Variants in ALPL observed in about 807,000 individuals in gnomAD.
ALPL encodes alkaline phosphatase, tissue-nonspecific isozyme.
ALPL carries 42 observed loss-of-function variants against 51.3 expected under a neutral mutation model. The ratio of observed to expected loss-of-function variants is 0.82; its 90% CI spans 0.64 to 1.06. The LOEUF (loss-of-function observed/expected upper bound fraction) is 1.06. ALPL is among the 50% of genes least tolerant of loss of function. ALPL has a pLI of 0.00. For synonymous variants in ALPL, 279 were observed against 296.4 expected, an observed-to-expected ratio of 0.94 and a Z score of 0.60; for missense variants, 589 against 709.4, an observed-to-expected ratio of 0.83 and a Z score of 1.93.
chr1:21,577,361 A>T (rs776533306), intron 11 of ALPL, 22 bp from the exon 12 acceptor site: 64 of 1,613,048 alleles, frequency 4.0e-5, no homozygotes, highest in Non-Finnish European at 5.4e-5. Flanking sequence ...GGCTCTCAGC[A>T]GGTGTTTCCC....
chr1:21,522,337 G>A (rs1174699368), intron 1 of ALPL, among the ~76,000 whole-genome samples: 2 of 152,184 alleles, frequency 1.3e-5, no homozygotes, highest in African/African-American at 4.8e-5. Context: ...GCCTCCCAAA[G>A]TGCTGGGATT....
intron 1 of ALPL, among the ~76,000 whole-genome samples, chr1:21,549,262 T>C (rs1415535336): frequency 6.6e-6 from 1 of 152,198 alleles, no homozygotes; most frequent in African/African-American, 2.4e-5. Context: ...GGGTGTTAAC[T>C]GCCACCCCTG....
At chr1:21,568,862 A>G (rs576490801) in intron 7 of ALPL, among the ~76,000 whole-genome samples, 26 of 152,044 alleles carry the variant, frequency 1.7e-4, no homozygotes, top group Non-Finnish European at 3.1e-4. Context: ...GGCTGGAGGG[A>G]CCTCTGGAAG....
chr1:21,515,591 G>T (rs548439886), intron 1 of ALPL, among the ~76,000 whole-genome samples: 1 of 152,238 alleles, frequency 6.6e-6, no homozygotes, highest in African/African-American at 2.4e-5. Context: ...GTTTTGCCAT[G>T]TCGGCCAGGT....
In ALPL at chr1:21,576,559, C is replaced by T. The variant is rs750530891; in HGVS notation, c.1227C>T (p.Pro409=). 1 of 1,613,806 alleles carries T rather than the reference C, an allele frequency of 6.2e-7. No individual in the cohort carries two copies. The highest frequency in any genetic ancestry group is 8.5e-7 in the Non-Finnish European group (1 of 1,179,940). The part of the protein sequence containing the change: ...APMLSDTDKK[P]FTAILYGNGP... ...TGCTGAGTGACACAGACAAGAAGCC[C>T]TTCACTGCCATCCTGTATGGCAATG... The change falls in exon 11 of 12, where the codon CCC becomes CCT. Residue 409 remains proline (P), a synonymous_variant. Transcript: ENST00000374840.
rs759017288 is a variant in ALPL, at chr1:21,576,614, C to T, written c.1282C>T (p.Arg428Ter). The T allele has an allele frequency of 4.3e-6, 7 of 1,613,858 alleles. No individual in the cohort carries two copies. Among genetic ancestry groups the T allele is most frequent in the Non-Finnish European group, 5.1e-6 (6 of 1,179,884 alleles). ...GPGYKVVGGE[R>*]ENVSMVDYAH... Reference sequence around the variant, plus strand: ...TGGCTACAAGGTGGTGGGCGGTGAACGAGAGAATGTCTCCATGGTGGACTA... The same window carrying T: ...TGGCTACAAGGTGGTGGGCGGTGAATGAGAGAATGTCTCCATGGTGGACTA... The change falls in exon 11 of 12, where the codon CGA becomes TGA. Residue 428 changes from arginine to a stop codon, truncating the protein, a stop_gained. Transcript: ENST00000374840. LOFTEE classifies it high-confidence loss of function.
At chr1:21,553,706 A>G (rs996245601) in intron 1 of ALPL, among the ~76,000 whole-genome samples, 6 of 152,240 alleles carry the variant, frequency 3.9e-5, no homozygotes, top group African/African-American at 1.4e-4. Flanking sequence ...AGGGGGCTTC[A>G]GATGAATTGA....
At chr1:21,510,496 T>C (rs1643664556) in intron 1 of ALPL, among the ~76,000 whole-genome samples, 1 of 152,160 alleles carries the variant, frequency 6.6e-6, no homozygotes, top group Non-Finnish European at 1.5e-5. Flanking sequence ...AGCCTCAGTG[T>C]AGATACTGCA....
intron 1 of ALPL, among the ~76,000 whole-genome samples, chr1:21,513,401 G>A (rs1424184092): frequency 6.6e-6 from 1 of 152,164 alleles, no homozygotes; most frequent in East Asian, 1.9e-4. Context: ...TTGTTTAAGG[G>A]AGGATGCAGA....
intron 6 of ALPL, among the ~76,000 whole-genome samples, chr1:21,567,236 C>T (rs1425211262): frequency 2.0e-5 from 3 of 152,210 alleles, no homozygotes; most frequent in Non-Finnish European, 4.4e-5. Context: ...GGCAGTGGCC[C>T]GGGCTGGCAC....
At chr1:21,551,730 T>TG (rs1558541754) in intron 1 of ALPL, among the ~76,000 whole-genome samples, 3 of 128,292 alleles carry the variant, frequency 2.3e-5, no homozygotes, top group African/African-American at 8.2e-5. Flanking sequence ...TTTTTTTTTT[T>TG]TTTTTTTTTT....
At chr1:21,527,601 G>A (rs556431694) in intron 1 of ALPL, among the ~76,000 whole-genome samples, 1 of 148,678 alleles carries the variant, frequency 6.7e-6, no homozygotes, top group African/African-American at 2.5e-5. Context: ...TCAGGCTCAA[G>A]TGTGGTGGTG....
intron 1 of ALPL, among the ~76,000 whole-genome samples, chr1:21,535,433 G>A (rs1353397997): frequency 2.0e-5 from 3 of 152,094 alleles, no homozygotes; most frequent in Admixed American, 6.6e-5. Context: ...GCAACATAGC[G>A]AGACCTTGTC....
At chr1:21,574,640 GC>G (rs1644700991) in intron 9 of ALPL, 1 of 152,286 alleles carries the variant, frequency 6.6e-6, no homozygotes, top group African/African-American at 2.4e-5. Flanking sequence ...GCCCAGCTTG[GC>G]TGCTTTCTTG....
rs759505834 is a variant in ALPL, at chr1:21,576,504, C to T, written c.1190-18C>T. The T allele has an allele frequency of 9.3e-6, 15 of 1,612,994 alleles. No individual in the cohort carries two copies. Among genetic ancestry groups the T allele is most frequent in the Non-Finnish European group, 1.2e-5 (14 of 1,179,356 alleles). On this transcript the variant is annotated intron_variant, in intron 10 of 11. Transcript: ENST00000374840. ...CTGGGGCCCCAGCATGACCCCTGAA[C>T]ACCCCCTCCCTGTGCAGGTCTGGCC... is the stretch of plus-strand genomic sequence containing the variant.
intron 1 of ALPL, among the ~76,000 whole-genome samples, chr1:21,550,091 A>G (rs1248986304): frequency 6.6e-6 from 1 of 152,238 alleles, no homozygotes; most frequent in African/African-American, 2.4e-5. Context: ...CAGATCAGGG[A>G]TCGCCAGGTT....
intron 1 of ALPL, among the ~76,000 whole-genome samples, chr1:21,552,114 T>TCCCCCCCCC (rs1244827813): frequency 1.3e-3 from 68 of 51,412 alleles, no homozygotes; most frequent in South Asian, 3.7e-3. Flanking sequence ...TTTCCTCCCC[T>TCCCCCCCCC]TCCCTTTCCT....
In ALPL at chr1:21,573,867, C is replaced by A. The variant is rs79285554; in HGVS notation, c.997+68C>A. ...GGCCCTGGTGTCAGGATGGAGAAGT[C>A]CAGCTCTTAAAGGGAACTGACTGGT... On this transcript the variant is annotated intron_variant, in intron 9 of 11. Coordinates refer to ENST00000374840, the MANE Select transcript of ALPL (RefSeq NM_000478.6). 222 of 1,608,900 alleles carry A rather than the reference C, an allele frequency of 1.4e-4. 1 individual carries two copies. In the African/African-American group the frequency reaches 2.8e-3, roughly 20 times the overall value.
intron 4 of ALPL, 45 bp from the exon 5 acceptor site, chr1:21,563,065 G>T: frequency 6.2e-7 from 1 of 1,611,070 alleles, no homozygotes; most frequent in Non-Finnish European, 8.5e-7. Flanking sequence ...GGTGCCACTG[G>T]GGCGAAGGCC....
Sources: allele counts gnomAD v4.1 joint callset (sites outside exome capture counted in the v4.1 genomes callset), GRCh38; gene constraint gnomAD v4.1.1; transcripts MANE v1.5; gene names NCBI Gene and HGNC (gene_info 2026-07-23, HGNC 2026-07-21).